Variants in SF3B4 observed in about 807,000 individuals in gnomAD.
The protein encoded by SF3B4 is splicing factor 3b subunit 4.
SF3B4 carries 3 observed loss-of-function variants against 34.3 expected under a neutral mutation model. The observed-to-expected ratio is 0.09, with a 90% CI of 0.04 to 0.23. The LOEUF is 0.23. Ranked by LOEUF, SF3B4 falls within the 10% of genes least tolerant of loss-of-function variation. SF3B4 has a pLI of 1.00. For synonymous variants in SF3B4, 216 were observed against 207.8 expected, an observed-to-expected ratio of 1.04 and a Z score of -0.34; for missense variants, 283 against 567.2, an observed-to-expected ratio of 0.50 and a Z score of 5.09.
rs1553765573 is a variant in SF3B4 at position 149,923,492 on chromosome 1, G to C, written c.*50C>G. 3.4e-6 allele frequency: 5 copies of C among 1,452,674 alleles called. No homozygotes were observed. Among genetic ancestry groups the C allele is most frequent in the Non-Finnish European group, 4.7e-6 (5 of 1,073,392 alleles). The allele number at this position is 1,452,674 out of a possible 1,614,324, so 90.0% of individuals were successfully genotyped here. Reference sequence around the variant, plus strand: ...CTACAGCATCTCTGATTGGTCCAAGGAATAGAAAAGATATTGGGAAAATGT... The same window carrying C: ...CTACAGCATCTCTGATTGGTCCAAGCAATAGAAAAGATATTGGGAAAATGT... On this transcript the variant is annotated 3_prime_UTR_variant, in exon 6 of 6. Transcript: ENST00000271628.
chr1:149,927,532 G>A (rs1553766223), intron 1 of SF3B4, 194 bp downstream of exon 1: 11 of 752,308 alleles, frequency 1.5e-5, no homozygotes, highest in South Asian at 5.5e-5. Flanking sequence ...GTCAGCAGGG[G>A]ACCGGACTTA....
Position 149,927,792 on chromosome 1 carries a change from G to A in SF3B4, c.-33C>T, listed in dbSNP as rs587705685. ...GAGATCCCGCCGTCTCCCAGCAGCG[G>A]TTCCGCCTTCTGACCTCAGCACGAC... On this transcript the variant is annotated 5_prime_UTR_variant, in exon 1 of 6. Coordinates refer to ENST00000271628, the MANE Select transcript of SF3B4 (RefSeq NM_005850.5). 6 of 1,551,814 alleles carry A rather than the reference G, an allele frequency of 3.9e-6. No individual in the cohort carries two copies. The South Asian group carries it at 4.8e-5, about 12-fold the overall frequency.
rs2092571628 is a variant in SF3B4, at chr1:149,923,912, G to A, written c.1016C>T (p.Pro339Leu). 1 of 1,604,374 alleles carries A rather than the reference G, an allele frequency of 6.2e-7. No homozygotes were observed. The highest frequency in any genetic ancestry group is 8.5e-7 in the Non-Finnish European group (1 of 1,177,158). Residue 339 changes from proline to leucine, a missense_variant, in exon 5 of 6, where the codon CCT (proline) becomes CTT (leucine). By Grantham distance (98) the Pro-to-Leu change is moderately conservative. Transcript: ENST00000271628. ...AGGAGGTCCAGGATGAGGCATTCCA[G>A]GTGGTGGTCGGGGCGGTGGCTGGCC... ...SGGQPPPRPP[P>L]GMPHPGPPPM...
intron 4 of SF3B4, 88 bp from the exon 5 acceptor site, chr1:149,924,102 G>T (rs1163263134): frequency 8.9e-7 from 1 of 1,129,912 alleles, no homozygotes; most frequent in Non-Finnish European, 1.2e-6. Context: ...AAATTAGAAA[G>T]AAAGTGACAT....
intron 4 of SF3B4, chr1:149,925,571 T>A: frequency 2.3e-6 from 1 of 430,450 alleles, no homozygotes; most frequent in Non-Finnish European, 4.3e-6. Context: ...AGGTCACCAC[T>A]TTGAGGTGGA....
chr1:149,923,773 G>A, intron 5 of SF3B4, 44 bp from the exon 6 acceptor site: 1 of 1,522,664 alleles, frequency 6.6e-7, no homozygotes, highest in Non-Finnish European at 8.8e-7. Flanking sequence ...CGGGACAAGG[G>A]GTGTGCCTAC....
chr1:149,927,745 C>A lies in SF3B4; in HGVS notation c.15G>T (p.Pro5=), dbSNP rs2092600330. Residue 5 remains proline, a synonymous_variant, in exon 1 of 6, where the codon CCG becomes CCT. Transcript: ENST00000271628. MAAG[P]ISERNQDATV... ...AGTTACCCTGATTCCGCTCGGAGAT[C>A]GGCCCGGCAGCCATGGCGAAAGAGA... The A allele has an allele frequency of 6.4e-7, 1 of 1,553,482 alleles. No homozygotes were observed. Among genetic ancestry groups the A allele is most frequent in the South Asian group, 1.2e-5 (1 of 84,188 alleles).
At chr1:149,925,686 A>T (rs782230461) in intron 4 of SF3B4, 150 bp downstream of exon 4, 1 of 729,146 alleles carries the variant, frequency 1.4e-6, no homozygotes, top group South Asian at 1.5e-5. Context: ...TAGATGTTAG[A>T]GAGCATTTTG....
At chr1:149,927,427 T>A in intron 1 of SF3B4, 133 bp from the exon 2 acceptor site, 1 of 983,346 alleles carries the variant, frequency 1.0e-6, no homozygotes, top group Non-Finnish European at 1.5e-6. Context: ...AAAAAAAGTT[T>A]AAACCCTTAA....
At chr1:149,924,063 G>T in intron 4 of SF3B4, 49 bp from the exon 5 acceptor site, 1 of 1,419,204 alleles carries the variant, frequency 7.0e-7, no homozygotes, top group Non-Finnish European at 9.4e-7. Flanking sequence ...AGAGAAGGAG[G>T]CAAAGAAAAT....
Position 149,926,947 on chromosome 1 carries a change from A to T in SF3B4, c.164-29T>A. On this transcript the variant is annotated intron_variant, in intron 2 of 5. Transcript: ENST00000271628. This position sits in a 1 kb window ranked among gnomAD's most constrained non-coding sequence, Gnocchi z 6.2. ...GAAAAGTGGAGAAGAGGAGGTTAAC[A>T]ACGTAAGTAAAGAGACTGAAAATGG... The T allele has an allele frequency of 6.4e-7, 1 of 1,568,782 alleles. No individual in the cohort carries two copies. The highest frequency in any genetic ancestry group is 8.6e-7 in the Non-Finnish European group (1 of 1,159,328).
At chr1:149,927,529 G>A (rs1436361146) in intron 1 of SF3B4, 197 bp downstream of exon 1, 1 of 748,506 alleles carries the variant, frequency 1.3e-6, no homozygotes, top group East Asian at 2.7e-5. Context: ...GAAGTCAGCA[G>A]GGGACCGGAC....
intron 1 of SF3B4, 57 bp from the exon 2 acceptor site, chr1:149,927,351 T>C (rs928744296): frequency 1.9e-6 from 3 of 1,596,040 alleles, no homozygotes; most frequent in South Asian, 1.1e-5. Context: ...AGGAAGGAAG[T>C]GATGGAAACA....
chr1:149,924,705 A>G (rs1209722519), intron 4 of SF3B4, among the ~76,000 whole-genome samples: 3 of 152,190 alleles, frequency 2.0e-5, no homozygotes, highest in Non-Finnish European at 4.4e-5. Context: ...CTTCAGGAGG[A>G]TAAGATCATG....
Position 149,926,998 on chromosome 1 carries a change from A to G in SF3B4, c.164-80T>C. 1 of 1,471,100 alleles carries G rather than the reference A, an allele frequency of 6.8e-7. No homozygotes were observed. The highest frequency in any genetic ancestry group is 1.4e-5 in the African/African-American group (1 of 70,816). 91.1% of individuals were successfully genotyped at this position (1,471,100 alleles called of 1,614,324 possible). ...GGTAAAATTCATCTACCCTCTAATC[A>G]CAAAGAACAAGAAAGAAACAACATC... On this transcript the variant is annotated intron_variant, in intron 2 of 5. Transcript: ENST00000271628. The surrounding 1 kb of genome is among the most constrained non-coding windows in gnomAD (Gnocchi z 6.2).
chr1:149,927,059 GA>G (rs1165272862), intron 2 of SF3B4, 106 bp downstream of exon 2: 2 of 1,498,458 alleles, frequency 1.3e-6, no homozygotes, highest in Non-Finnish European at 9.0e-7. Flanking sequence ...ATAAACTGAA[GA>G]GAGGCTTAAA....
chr1:149,925,716 G>A (rs782126336), intron 4 of SF3B4, 120 bp downstream of exon 4: 2 of 778,252 alleles, frequency 2.6e-6, no homozygotes, highest in Non-Finnish European at 4.6e-6. Context: ...ATAATAGAAT[G>A]TCTGAAGGAA....
chr1:149,924,243 T>G (rs2092574504), intron 4 of SF3B4, among the ~76,000 whole-genome samples: 1 of 152,116 alleles, frequency 6.6e-6, no homozygotes, highest in Non-Finnish European at 1.5e-5. Flanking sequence ...AAGAACAGCC[T>G]GGGCAACATA....
Position 149,926,527 on chromosome 1 carries a change from C to G in SF3B4, c.555G>C (p.Glu185Asp). ...GTCGTTCGGCTGCTGAGCCATGGCG[C>G]TCACCCTTGGAGTCCTTCTTGAAGG... Reference protein sequence around the residue: ...SYAFKKDSKGERHGSAAERLL... With the variant: ...SYAFKKDSKGDRHGSAAERLL... Residue 185 changes from glutamate (E) to aspartate (D), a missense_variant, in exon 3 of 6, where the codon GAG becomes GAC. Glu to Asp is a conservative substitution (Grantham distance 45). This residue lies in a region of SF3B4 where 35 missense variants were observed against 111.9 expected (regional missense o/e 0.31). Coordinates refer to ENST00000271628, the MANE Select transcript of SF3B4 (RefSeq NM_005850.5). This position sits in a 1 kb window ranked among gnomAD's most constrained non-coding sequence, Gnocchi z 6.2. 1 of 1,614,170 alleles carries G rather than the reference C, an allele frequency of 6.2e-7. No homozygotes were observed. The highest frequency in any genetic ancestry group is 8.5e-7 in the Non-Finnish European group (1 of 1,180,044).
Sources: gnomAD v4.1 joint callset for allele counts (sites outside exome capture counted in the v4.1 genomes callset) on GRCh38, gnomAD v4.1.1 for gene constraint, gnomAD v4.1.1 regional missense constraint, Gnocchi (gnomAD v3.1) non-coding constraint, MANE v1.5 for transcripts, NCBI Gene and HGNC (gene_info 2026-07-23, HGNC 2026-07-21) for gene names.